The following EVI5 variants were observed in gnomAD, a reference collection of about 807,000 sequenced individuals.
EVI5 encodes the protein ecotropic viral integration site 5.
A neutral mutation model predicts 112.0 loss-of-function variants in EVI5; 73 were observed. The observed-to-expected ratio is 0.65, with a 90% CI of 0.54 to 0.79. The LOEUF is 0.79. EVI5 is among the 30% of genes least tolerant of loss of function. The probability of loss-of-function intolerance (pLI) is 0.00; values close to 1 mark genes in which losing one functional copy is unlikely to be tolerated. For synonymous variants in EVI5, 305 were observed against 319.9 expected, an observed-to-expected ratio of 0.95 and a Z score of 0.50; for missense variants, 900 against 968.8, an observed-to-expected ratio of 0.93 and a Z score of 0.94.
intron 19 of EVI5, among the ~76,000 whole-genome samples, chr1:92,546,464 C>T (rs548924026): frequency 2.0e-5 from 3 of 151,992 alleles, no homozygotes; most frequent in Non-Finnish European, 4.4e-5. Context: ...TTTGGGAGAC[C>T]GAGGCGGGTG....
intron 19 of EVI5, among the ~76,000 whole-genome samples, chr1:92,515,224 C>T (rs1197478458): frequency 6.6e-6 from 1 of 152,224 alleles, no homozygotes; most frequent in Non-Finnish European, 1.5e-5. Flanking sequence ...CTACCTGTTA[C>T]TGGGTGGGCA....
chr1:92,622,110 G>T (rs963612059), intron 16 of EVI5, among the ~76,000 whole-genome samples: 1 of 142,612 alleles, frequency 7.0e-6, no homozygotes, highest in South Asian at 2.4e-4. Flanking sequence ...ACAAAGCAAG[G>T]CTCCGTCTAA....
chr1:92,521,560 G>A (rs980924334), intron 19 of EVI5, among the ~76,000 whole-genome samples: 1 of 152,012 alleles, frequency 6.6e-6, no homozygotes, highest in African/African-American at 2.4e-5. Context: ...GTGTGGTGGT[G>A]TGTGCCTGTA....
intron 19 of EVI5, among the ~76,000 whole-genome samples, chr1:92,539,223 G>A (rs948767175): frequency 6.6e-6 from 1 of 152,038 alleles, no homozygotes; most frequent in East Asian, 1.9e-4. Flanking sequence ...TTTTTTAGGT[G>A]TCAAATCACT....
chr1:92,534,630 A>T (rs1233548833), intron 19 of EVI5, among the ~76,000 whole-genome samples: 1 of 152,206 alleles, frequency 6.6e-6, no homozygotes, highest in Non-Finnish European at 1.5e-5. Flanking sequence ...AACGCCACAC[A>T]TGTACAACCA....
intron 1 of EVI5, among the ~76,000 whole-genome samples, chr1:92,737,924 A>G (rs942012114): frequency 2.6e-5 from 4 of 152,230 alleles, no homozygotes; most frequent in Non-Finnish European, 4.4e-5. Flanking sequence ...CCATTTGCCA[A>G]TAATTTTCCC....
At chr1:92,759,854 T>TCC (rs1570811367) in intron 1 of EVI5, among the ~76,000 whole-genome samples, 3 of 126,714 alleles carry the variant, frequency 2.4e-5, no homozygotes, top group Admixed American at 7.5e-5. Flanking sequence ...CATATACAAA[T>TCC]ACCCTCCCCC....
intron 1 of EVI5, among the ~76,000 whole-genome samples, chr1:92,748,833 G>A (rs1430843844): frequency 1.3e-5 from 2 of 152,038 alleles, no homozygotes; most frequent in East Asian, 1.9e-4. Flanking sequence ...CTGGGAGGCC[G>A]ATGCGGGCAG....
intron 1 of EVI5, among the ~76,000 whole-genome samples, chr1:92,751,384 C>T (rs1680174620): frequency 6.6e-6 from 1 of 152,160 alleles, no homozygotes; most frequent in Non-Finnish European, 1.5e-5. Flanking sequence ...ATCTCCTCAA[C>T]ATATTCGAGC....
At chr1:92,632,637 T>C (rs994023117) in intron 14 of EVI5, among the ~76,000 whole-genome samples, 6 of 152,332 alleles carry the variant, frequency 3.9e-5, no homozygotes, top group Middle Eastern at 6.8e-3. Context: ...CCTGGATTCA[T>C]TGATTTTTTG....
chr1:92,720,019 TAA>T, intron 2 of EVI5, among the ~76,000 whole-genome samples: 1 of 151,934 alleles, frequency 6.6e-6, no homozygotes, highest in Non-Finnish European at 1.5e-5. Context: ...CTCAACAAAA[TAA>T]AAGAGGACAC....
At chr1:92,628,003 T>A (rs1362654449) in intron 14 of EVI5, among the ~76,000 whole-genome samples, 4 of 152,190 alleles carry the variant, frequency 2.6e-5, no homozygotes, top group African/African-American at 4.8e-5. Context: ...TTGGCCAGGC[T>A]GCTCTTGAAC....
intron 13 of EVI5, among the ~76,000 whole-genome samples, chr1:92,642,396 A>C (rs1660162037): frequency 6.6e-6 from 1 of 152,220 alleles, no homozygotes; most frequent in Non-Finnish European, 1.5e-5. Flanking sequence ...TTCTGGAAAA[A>C]ATCTCCGTCC....
intron 5 of EVI5, among the ~76,000 whole-genome samples, chr1:92,701,459 T>C (rs1671135244): frequency 1.3e-5 from 2 of 152,210 alleles, no homozygotes; most frequent in Admixed American, 1.3e-4. Flanking sequence ...AACCACCCTA[T>C]ATGACTCAAA....
At chr1:92,723,905 T>C (rs919298501) in intron 2 of EVI5, among the ~76,000 whole-genome samples, 8 of 152,110 alleles carry the variant, frequency 5.3e-5, no homozygotes, top group African/African-American at 1.9e-4. Context: ...TCTTACGCGG[T>C]TGAGATAAGG....
rs115347147 is a variant in EVI5 at position 92,651,097 on chromosome 1, A to G, written c.1392+11622T>C. Among the ~76,000 whole-genome samples the G allele has an allele frequency of 3.3e-3, 505 of 152,308 alleles. 5 individuals are homozygous for G. The highest frequency in any genetic ancestry group is 5.1e-3 in the Non-Finnish European group (346 of 68,024). On this transcript the variant is annotated intron_variant, in intron 13 of 19. Transcript: ENST00000684568. Reference sequence around the variant, plus strand: ...ATCTGTTTAATGTGTCTCCCCAACTAGAACACTTCACGTAACAGCAGTCTT... The same window carrying G: ...ATCTGTTTAATGTGTCTCCCCAACTGGAACACTTCACGTAACAGCAGTCTT...
chr1:92,651,109 G>A (rs542655504), intron 13 of EVI5, among the ~76,000 whole-genome samples: 3 of 152,282 alleles, frequency 2.0e-5, no homozygotes, highest in South Asian at 2.1e-4. Context: ...AACACTTCAC[G>A]TAACAGCAGT....
chr1:92,570,166 T>G (rs1282437223), intron 18 of EVI5, among the ~76,000 whole-genome samples: 1 of 152,266 alleles, frequency 6.6e-6, no homozygotes, highest in East Asian at 1.9e-4. Context: ...TCATAGGAGG[T>G]ATTCTCCAAA....
rs1483433781 is a variant in EVI5 at position 92,736,570 on chromosome 1, T to C, written c.-24A>G. The C allele has an allele frequency of 5.0e-6, 8 of 1,614,018 alleles. No individual in the cohort carries two copies. The Admixed American group carries it at 5.0e-5, about 10-fold the overall frequency. On this transcript the variant is annotated 5_prime_UTR_variant, in exon 2 of 20. Coordinates refer to ENST00000684568, the MANE Select transcript of EVI5 (RefSeq NM_001350197.2). ...ATCTGACTGACTGTATGCGATACTG[T>C]GTTCTTCACCCATGAGAGAGTAGAG...
Sources: gnomAD v4.1 joint callset for allele counts (sites outside exome capture counted in the v4.1 genomes callset) on GRCh38, gnomAD v4.1.1 for gene constraint, MANE v1.5 for transcripts, NCBI Gene and HGNC (gene_info 2026-07-23, HGNC 2026-07-21) for gene names.